RELN: variants seen among roughly 807,000 people sequenced by gnomAD.
RELN encodes the protein reelin.
Under a neutral mutation model 427.6 loss-of-function variants are expected in RELN, and 108 were observed. That is an observed-to-expected ratio of 0.25 (90% CI 0.22 to 0.30). The LOEUF (loss-of-function observed/expected upper bound fraction) is 0.30. RELN is among the 10% of genes least tolerant of loss of function. RELN has a pLI of 1.00. For synonymous variants in RELN, 1,524 were observed against 1,513.4 expected, an observed-to-expected ratio of 1.01 and a Z score of -0.16; for missense variants, 3,715 against 4,302.8, an observed-to-expected ratio of 0.86 and a Z score of 3.82.
At position 103,749,485 on chromosome 7, in the gene RELN, G is replaced by A. The variant is rs1304511346; in HGVS notation, c.597C>T (p.Ser199=). The A allele has an allele frequency of 6.2e-7, 1 of 1,612,064 alleles. No homozygotes were observed. The highest frequency in any genetic ancestry group is 8.5e-7 in the Non-Finnish European group (1 of 1,178,222). The change falls in exon 6 of 65, where the codon AGC becomes AGT. Residue 199 remains serine, a synonymous_variant. Transcript: ENST00000428762. ...HPHLAEIHSD[S]IILRDDFDSY... is the part of the protein sequence containing the mutation. The stretch of plus-strand genomic sequence containing the variant: ...AGTCAAAGTCATCTCTCAGGATAAT[G>A]CTGTCACTATGTATTTCAGCTAAAA...
At chr7:103,490,006 C>T (rs1828594701) in intron 59 of RELN, 107 bp from the exon 60 acceptor site, 3 of 1,328,844 alleles carry the variant, frequency 2.3e-6, no homozygotes, top group African/African-American at 1.4e-5. Flanking sequence ...AAAAGGGCTT[C>T]CCAAATGTCT....
chr7:103,978,591 A>G (rs991857767), intron 1 of RELN, among the ~76,000 whole-genome samples: 8 of 152,216 alleles, frequency 5.3e-5, no homozygotes, highest in African/African-American at 1.9e-4. Context: ...ATGAGCAAAA[A>G]TCACTAAGCA....
chr7:103,497,671 T>C, intron 55 of RELN, 149 bp downstream of exon 55: 2 of 710,842 alleles, frequency 2.8e-6, no homozygotes, highest in Non-Finnish European at 5.0e-6. Flanking sequence ...GTACGGAACA[T>C]GTAATACAAA....
At chr7:103,552,646 G>A (rs534951833) in intron 40 of RELN, among the ~76,000 whole-genome samples, 2 of 151,722 alleles carry the variant, frequency 1.3e-5, no homozygotes, top group East Asian at 3.9e-4. Context: ...GAGATTACAG[G>A]TGCGCACCAC....
intron 12 of RELN, among the ~76,000 whole-genome samples, chr7:103,655,825 T>C (rs937340295): frequency 1.3e-5 from 2 of 152,110 alleles, no homozygotes; most frequent in Non-Finnish European, 2.9e-5. Flanking sequence ...ACAGGATGCA[T>C]CAGGCTATCA....
In RELN at chr7:103,603,736, T is replaced by G. The variant is rs1490058309; in HGVS notation, c.3147-246A>C. Reference sequence around the variant, plus strand: ...GTAAGGGTAGAATTTGGGCATCAAGTATTTACGAAGGACAGTGGTGTGTGT... The same window carrying G: ...GTAAGGGTAGAATTTGGGCATCAAGGATTTACGAAGGACAGTGGTGTGTGT... On this transcript the variant is annotated intron_variant, in intron 23 of 64. Transcript: ENST00000428762. The surrounding 1 kb of genome is among the most constrained non-coding windows in gnomAD (Gnocchi z 4.3). Among the ~76,000 whole-genome samples, 1 of 152,136 alleles carries G rather than the reference T, an allele frequency of 6.6e-6. No homozygotes were observed. Among genetic ancestry groups the G allele is most frequent in the Non-Finnish European group, 1.5e-5 (1 of 68,014 alleles).
intron 3 of RELN, among the ~76,000 whole-genome samples, chr7:103,831,659 G>A (rs1197866627): frequency 4.6e-5 from 7 of 152,164 alleles, no homozygotes; most frequent in African/African-American, 1.7e-4. Context: ...CATGGAGAAA[G>A]AAAGTTACAG....
chr7:103,509,717 C>T (rs1186748869), intron 51 of RELN, among the ~76,000 whole-genome samples: 2 of 151,650 alleles, frequency 1.3e-5, no homozygotes, highest in African/African-American at 2.4e-5. Flanking sequence ...GAATAGGCAA[C>T]AGAATGGGAG....
intron 1 of RELN, among the ~76,000 whole-genome samples, chr7:103,928,559 C>T (rs1795794274): frequency 6.6e-6 from 1 of 152,174 alleles, no homozygotes. Context: ...AACAGAATTT[C>T]CAACGAAGGC....
intron 20 of RELN, chr7:103,627,868 A>C (rs755053690): frequency 2.6e-5 from 4 of 152,198 alleles, no homozygotes; most frequent in Non-Finnish European, 4.4e-5. Flanking sequence ...GTGTGAAGGG[A>C]TATTGTTCTT....
In RELN at chr7:103,914,154, T is replaced by C. The variant is rs75868098; in HGVS notation, c.337+2921A>G. Among the ~76,000 whole-genome samples the C allele has an allele frequency of 3.7e-3, 569 of 152,336 alleles. 10 individuals are homozygous for C. The East Asian group carries it at 0.059, about 16-fold the overall frequency. On this transcript the variant is annotated intron_variant, in intron 2 of 64. Transcript: ENST00000428762. ...GAAATGTCTTGAAGACCAGGTCTCT[T>C]AAATAATTTGTAACAATTTTATTCT...
At chr7:103,657,411 G>C (rs953992513) in intron 12 of RELN, among the ~76,000 whole-genome samples, 5 of 151,744 alleles carry the variant, frequency 3.3e-5, no homozygotes, top group African/African-American at 1.2e-4. Flanking sequence ...TACATATAAG[G>C]ATATTTATAA....
In RELN at chr7:103,603,885, CCT is replaced by C. The variant is rs528222089; in HGVS notation, c.3147-397_3147-396del. Among the ~76,000 whole-genome samples, 327 of 152,174 alleles carry C rather than the reference CCT, an allele frequency of 2.1e-3. 1 individual carries two copies. The highest frequency in any genetic ancestry group is 7.3e-3 in the African/African-American group (303 of 41,494). On this transcript the variant is annotated intron_variant, in intron 23 of 64. Transcript: ENST00000428762. This position sits in a 1 kb window ranked among gnomAD's most constrained non-coding sequence, Gnocchi z 4.3. ...ATAATTCAGGCAACATTTTATAGTT[CCT>C]CTTTCTGATTAAACTATGCCTTTTT...
At chr7:103,629,720 A>G (rs1832409732) in intron 20 of RELN, among the ~76,000 whole-genome samples, 1 of 152,124 alleles carries the variant, frequency 6.6e-6, no homozygotes, top group African/African-American at 2.4e-5. Flanking sequence ...ATCTATCAGT[A>G]TTTTGTTTTC....
At chr7:103,951,022 C>A (rs1228911993) in intron 1 of RELN, among the ~76,000 whole-genome samples, 1 of 152,170 alleles carries the variant, frequency 6.6e-6, no homozygotes, top group Admixed American at 6.5e-5. Context: ...CTCCGCCTCC[C>A]TGGTTCAAGC....
chr7:103,591,432 C>T (rs1831413690), intron 27 of RELN, among the ~76,000 whole-genome samples: 1 of 152,124 alleles, frequency 6.6e-6, no homozygotes, highest in African/African-American at 2.4e-5. Context: ...GATTTAGTAT[C>T]TTCTTTATTT....
intron 19 of RELN, 29 bp downstream of exon 19, chr7:103,635,396 A>T (rs781120839): frequency 6.2e-7 from 1 of 1,611,550 alleles, no homozygotes; most frequent in Non-Finnish European, 8.5e-7. Context: ...TCACTCTACA[A>T]CCATTTTTCC....
At chr7:103,666,237 T>G (rs1562947627) in intron 11 of RELN, among the ~76,000 whole-genome samples, 1 of 151,862 alleles carries the variant, frequency 6.6e-6, no homozygotes, top group Non-Finnish European at 1.5e-5. Context: ...CCCAGGTAAT[T>G]TTTGTATTTT....
intron 3 of RELN, among the ~76,000 whole-genome samples, chr7:103,823,885 T>A (rs1166239947): frequency 1.3e-5 from 2 of 151,768 alleles, no homozygotes; most frequent in Admixed American, 6.6e-5. Flanking sequence ...ACTGCATTTT[T>A]AAAAAATTTA....
Sources: allele counts gnomAD v4.1 joint callset (sites outside exome capture counted in the v4.1 genomes callset), GRCh38; gene constraint gnomAD v4.1.1; non-coding constraint Gnocchi (gnomAD v3.1); transcripts MANE v1.5; gene names NCBI Gene and HGNC (gene_info 2026-07-23, HGNC 2026-07-21).